CEP120: variants seen among roughly 807,000 people sequenced by gnomAD.
The protein encoded by CEP120 is centrosomal protein 120, also known as centrosomal protein of 120 kDa.
Under a neutral mutation model 126.5 loss-of-function variants are expected in CEP120, and 113 were observed. That is an observed-to-expected ratio of 0.89 (90% confidence interval 0.77 to 1.04). CEP120 has a LOEUF of 1.04. Ranked by LOEUF, CEP120 falls within the 50% of genes least tolerant of loss-of-function variation. The pLI, the probability that CEP120 is intolerant of heterozygous loss-of-function variation, is 0.00. For missense variants in CEP120, 1,230 were observed against 1,155.7 expected (o/e 1.06, Z -0.93); for synonymous variants, 400 against 394.3 (o/e 1.01, Z -0.17).
intron 8 of CEP120, 48 bp downstream of exon 8, chr5:123,389,875 CA>C: frequency 6.7e-7 from 1 of 1,498,526 alleles, no homozygotes; most frequent in Non-Finnish European, 9.2e-7. Flanking sequence ...TAGATGGCTG[CA>C]AAATGCAATA....
chr5:123,406,559 G>C (rs1468552583), intron 4 of CEP120, among the ~76,000 whole-genome samples: 1 of 149,356 alleles, frequency 6.7e-6, no homozygotes, highest in African/African-American at 2.5e-5. Context: ...AAGCAAGAAG[G>C]GTAGAGTGAA....
At position 123,382,831 on chromosome 5, in the gene CEP120, T is replaced by G. The variant is rs936140336; in HGVS notation, c.1919A>C (p.Glu640Ala). Reference sequence around the variant, plus strand: ...CGTTTCACGAGGCTCTGTCTGGATCTCTGAAGGACAAGGTGCTGGAGGAAG... The same window carrying G: ...CGTTTCACGAGGCTCTGTCTGGATCGCTGAAGGACAAGGTGCTGGAGGAAG... ...SSLPPAPCPS[E>A]IQTEPRETLE... Residue 640 changes from glutamate to alanine, a missense_variant, in exon 13 of 20, where the codon GAG becomes GCG. Physicochemically the swap from Glu to Ala is moderately radical, Grantham distance 107. Coordinates refer to ENST00000306467, the MANE Select transcript of CEP120 (RefSeq NM_001375405.1). The G allele has an allele frequency of 1.2e-6, 2 of 1,613,536 alleles. No individual in the cohort carries two copies. The highest frequency in any genetic ancestry group is 2.7e-5 in the African/African-American group (2 of 74,998).
Position 123,346,748 on chromosome 5 carries a change from C to T in CEP120, c.2732G>A (p.Arg911Lys). The T allele has an allele frequency of 6.3e-7, 1 of 1,597,940 alleles. No individual in the cohort carries two copies. Among genetic ancestry groups the T allele is most frequent in the East Asian group, 2.2e-5 (1 of 44,474 alleles). ...LDIRNELNRL[R>K]QQEQKQYQDS... is the part of the protein sequence containing the mutation. ...CTGGTATTGTTTTTGCTCTTGTTGC[C>T]TTAACCTGAGAAGTCAAGAACAAAT... Residue 911 changes from arginine to lysine, a missense_variant, in exon 20 of 20, where the codon AGG (arginine) becomes AAG (lysine). Transcript: ENST00000306467.
At chr5:123,378,203 TCA>T in intron 15 of CEP120, 131 bp downstream of exon 15, 1 of 595,440 alleles carries the variant, frequency 1.7e-6, no homozygotes, top group Middle Eastern at 2.7e-4. Flanking sequence ...TTTGCTTGTC[TCA>T]TTCTTATAAG....
Position 123,386,686 on chromosome 5 carries a change from A to C in CEP120, c.1431-19T>G. The C allele has an allele frequency of 7.0e-7, 1 of 1,428,638 alleles. No homozygotes were observed. 88.5% of individuals were successfully genotyped at this position (1,428,638 alleles called of 1,614,324 possible). ...TGAGTACCTAGAATTTAAAAAAAAA[A>C]AAAAAAAAAAAAGCCTTAATGATAT... On this transcript the variant is annotated intron_variant, in intron 9 of 19. Transcript: ENST00000306467.
At chr5:123,397,182 G>C (rs1347494109) in intron 5 of CEP120, among the ~76,000 whole-genome samples, 1 of 152,156 alleles carries the variant, frequency 6.6e-6, no homozygotes, top group Non-Finnish European at 1.5e-5. Context: ...AAACTGGCCA[G>C]GTGTGATGGC....
intron 18 of CEP120, among the ~76,000 whole-genome samples, chr5:123,355,740 C>G (rs1306981014): frequency 6.6e-6 from 1 of 151,908 alleles, no homozygotes; most frequent in East Asian, 1.9e-4. Flanking sequence ...GTTGCCTGTT[C>G]ACTCTGATGG....
chr5:123,408,716 T>C (rs1773856750), intron 4 of CEP120, among the ~76,000 whole-genome samples: 1 of 152,230 alleles, frequency 6.6e-6, no homozygotes, highest in South Asian at 2.1e-4. Flanking sequence ...CAATTCTCTA[T>C]AATCTCTTTC....
intron 4 of CEP120, among the ~76,000 whole-genome samples, chr5:123,407,684 T>C (rs1284446043): frequency 2.0e-5 from 3 of 152,110 alleles, no homozygotes; most frequent in Non-Finnish European, 4.4e-5. Flanking sequence ...AGAAAATCAT[T>C]GACATAACTG....
chr5:123,373,429 A>C (rs1177996919), intron 16 of CEP120, among the ~76,000 whole-genome samples: 1 of 152,094 alleles, frequency 6.6e-6, no homozygotes, highest in African/African-American at 2.4e-5. Flanking sequence ...AAATTTCTTG[A>C]ATTTGAAGAG....
At chr5:123,349,177 C>T (rs1769032862) in intron 19 of CEP120, among the ~76,000 whole-genome samples, 1 of 152,116 alleles carries the variant, frequency 6.6e-6, no homozygotes, top group African/African-American at 2.4e-5. Flanking sequence ...TACAGAGAAG[C>T]CCAGTGTAGC....
chr5:123,383,003 T>C lies in CEP120; in HGVS notation c.1843A>G (p.Ile615Val). ...YGLVKMREIF[I>V]SDSSQGVSAV... is the part of the protein sequence containing the mutation. The stretch of plus-strand genomic sequence containing the variant: ...ATATTTACCTGAGATGAATCAGAGA[T>C]AAAAATCTCACGCATTTTTACTAGT... The change falls in exon 12 of 20, where the codon ATC (isoleucine) becomes GTC (valine). Residue 615 changes from isoleucine to valine, a missense_variant. Physicochemically the swap from Ile to Val is conservative, Grantham distance 29. Transcript: ENST00000306467. The C allele has an allele frequency of 1.2e-6, 2 of 1,600,490 alleles. No individual in the cohort carries two copies. The highest frequency in any genetic ancestry group is 1.7e-6 in the Non-Finnish European group (2 of 1,170,032).
chr5:123,419,553 C>CAAAAAAAAAAAAAAA (rs566909063), intron 1 of CEP120, among the ~76,000 whole-genome samples: 2 of 135,256 alleles, frequency 1.5e-5, no homozygotes, highest in Non-Finnish European at 3.2e-5. Flanking sequence ...AAAACAAAAA[C>CAAAAAAAAAAAAAAA]AAAAAAAAAA....
chr5:123,402,175 C>T, intron 4 of CEP120: 6 of 1,578,210 alleles, frequency 3.8e-6, no homozygotes, highest in Non-Finnish European at 3.5e-6. Flanking sequence ...ATGCCGCTGG[C>T]CCCACCACAG....
chr5:123,368,675 A>C (rs1770640508), intron 17 of CEP120, among the ~76,000 whole-genome samples: 1 of 151,914 alleles, frequency 6.6e-6, no homozygotes, highest in African/African-American at 2.4e-5. Context: ...ACATTCTGGG[A>C]TATCTTGAAG....
Position 123,345,825 on chromosome 5 carries a change from A to T in CEP120, c.*694T>A, listed in dbSNP as rs1768775480. The T allele has an allele frequency of 6.6e-6, 1 of 152,192 alleles. No homozygotes were observed. Among genetic ancestry groups the T allele is most frequent in the South Asian group, 2.1e-4 (1 of 4,828 alleles). 9.4% of individuals were successfully genotyped at this position (152,192 alleles called of 1,614,324 possible). ...TCTCTAATTTTAACAAAAGAAAACAATGCAAACTTGAGGAAGAAACCAACA... is the reference window on the plus strand; with the variant it reads ...TCTCTAATTTTAACAAAAGAAAACATTGCAAACTTGAGGAAGAAACCAACA... On this transcript the variant is annotated 3_prime_UTR_variant, in exon 20 of 20. Transcript: ENST00000306467.
chr5:123,399,235 C>T lies in CEP120; in HGVS notation c.513G>A (p.Leu171=), dbSNP rs1475249906. ...TCTGATGGTAGCCTCCCTCTTCATT[C>T]AGCACAGCCACAATGTCCCTGGGGT... ...GLDPRDIVAV[L]NEEGGYHQIG... Residue 171 remains leucine, a synonymous_variant, in exon 5 of 20, where the codon CTG becomes CTA. Transcript: ENST00000306467. 6.2e-7 allele frequency: 1 copy of T among 1,614,018 alleles called. No individual in the cohort carries two copies. The highest frequency in any genetic ancestry group is 1.3e-5 in the African/African-American group (1 of 74,936).
rs759132381 is a variant in CEP120, at chr5:123,422,979, T to C, written c.20A>G (p.Gln7Arg). Reference protein sequence around the residue: MVSKSDQLLIVVSILEG... With the variant: MVSKSDRLLIVVSILEG... ...TAGGATGGACACGACGATGAGCAAT[T>C]GGTCGGATTTGGAGACCATGGTTGC... The change falls in exon 1 of 20, where the codon CAA (glutamine) becomes CGA (arginine). Residue 7 changes from glutamine (Q) to arginine (R), a missense_variant. By Grantham distance (43) the Gln-to-Arg change is conservative. Transcript: ENST00000306467. 2.5e-6 allele frequency: 4 copies of C among 1,614,118 alleles called. No homozygotes were observed. Among genetic ancestry groups the C allele is most frequent in the Admixed American group, 3.3e-5 (2 of 60,030 alleles).
At chr5:123,349,831 G>C (rs1180579090) in intron 19 of CEP120, 113 bp downstream of exon 19, 8 of 839,052 alleles carry the variant, frequency 9.5e-6, no homozygotes, top group Non-Finnish European at 1.5e-5. Context: ...GTATATGTCT[G>C]CTACATTTTA....
Sources: allele counts gnomAD v4.1 joint callset (sites outside exome capture counted in the v4.1 genomes callset), GRCh38; gene constraint gnomAD v4.1.1; transcripts MANE v1.5; gene names NCBI Gene and HGNC (gene_info 2026-07-23, HGNC 2026-07-21).